Variants in LIMCH1 observed in about 807,000 individuals in gnomAD.
LIMCH1 encodes the protein LIM and calponin homology domains-containing protein 1.
LIMCH1 carries 113 observed loss-of-function variants against 176.5 expected under a neutral mutation model. That is an observed-to-expected ratio of 0.64 (90% CI 0.55 to 0.75). The LOEUF (loss-of-function observed/expected upper bound fraction) is 0.75. Among genes scored for constraint, LIMCH1 ranks in the 30% least tolerant of loss-of-function variants. The pLI is 0.00. For synonymous variants in LIMCH1, 619 were observed against 645.9 expected (o/e 0.96, Z 0.63); for missense variants, 1,674 against 1,814.9 (o/e 0.92, Z 1.41).
chr4:41,641,970 C>A (rs544098331), intron 14 of LIMCH1, among the ~76,000 whole-genome samples: 5 of 152,308 alleles, frequency 3.3e-5, no homozygotes, highest in Admixed American at 1.3e-4. Flanking sequence ...GCAGGACAGA[C>A]AAAGGTAATT....
intron 1 of LIMCH1, among the ~76,000 whole-genome samples, chr4:41,573,900 T>G (rs1353535811): frequency 6.6e-6 from 1 of 152,142 alleles, no homozygotes; most frequent in Non-Finnish European, 1.5e-5. Context: ...GGCTATTAGG[T>G]CATTAGCTTA....
At chr4:41,437,454 TA>T in intron 1 of LIMCH1, among the ~76,000 whole-genome samples, 1 of 152,314 alleles carries the variant, frequency 6.6e-6, no homozygotes, top group East Asian at 1.9e-4. Context: ...GACATATCAT[TA>T]GGCTTCCACC....
At position 41,631,300 on chromosome 4, in the gene LIMCH1, C is replaced by T. The variant is rs1018204044; in HGVS notation, c.1424C>T (p.Thr475Met). Residue 475 changes from threonine (T) to methionine (M), a missense_variant, in exon 10 of 32, where the codon ACG becomes ATG. Around this residue, in one of 3 missense-constraint regions of LIMCH1, gnomAD observed 655 missense variants for 692.2 expected, o/e 0.95. Transcript: ENST00000503057. ...RQKFVHFGPVTELDQQKWKRL... is the reference protein window; with the variant it reads ...RQKFVHFGPVMELDQQKWKRL... Reference sequence around the variant, plus strand: ...AAGTTTGTGCACTTTGGGCCAGTGACGGAGCTAGATCAGCAGAAATGGAAG... The same window carrying T: ...AAGTTTGTGCACTTTGGGCCAGTGATGGAGCTAGATCAGCAGAAATGGAAG... 3.1e-5 allele frequency: 48 copies of T among 1,535,856 alleles called. No homozygotes were observed. Among genetic ancestry groups the T allele is most frequent in the African/African-American group, 8.2e-5 (6 of 72,962 alleles).
chr4:41,663,084 A>T, intron 20 of LIMCH1, 100 bp downstream of exon 20: 3 of 1,068,040 alleles, frequency 2.8e-6, no homozygotes, highest in South Asian at 1.7e-5. Context: ...ATGAAGATTT[A>T]TTTCTCTCCT....
At chr4:41,623,316 A>C (rs948415521) in intron 7 of LIMCH1, among the ~76,000 whole-genome samples, 1 of 152,210 alleles carries the variant, frequency 6.6e-6, no homozygotes, top group African/African-American at 2.4e-5. Flanking sequence ...CAAGAGGACC[A>C]CTTGTTGTGG....
Position 41,512,882 on chromosome 4 carries a change from G to T in LIMCH1, c.168-11527G>T, listed in dbSNP as rs542075740. On this transcript the variant is annotated intron_variant, in intron 2 of 26. Transcript: ENST00000313860. The stretch of plus-strand genomic sequence containing the variant: ...AAAAATATTGAATTCTACATTTTCA[G>T]TGGGTAAACTATGTGAATTGTATCT... 4.6e-5 allele frequency among the ~76,000 whole-genome samples: 7 copies of T among 152,314 alleles called. No individual in the cohort carries two copies. The South Asian group carries it at 8.3e-4, about 18-fold the overall frequency.
chr4:41,412,439 G>C (rs983015193), intron 1 of LIMCH1, among the ~76,000 whole-genome samples: 1 of 152,070 alleles, frequency 6.6e-6, no homozygotes, highest in Non-Finnish European at 1.5e-5. Context: ...TATCTACAGA[G>C]GTTACTTAAG....
At chr4:41,421,543 A>C (rs1252694982) in intron 1 of LIMCH1, among the ~76,000 whole-genome samples, 1 of 152,210 alleles carries the variant, frequency 6.6e-6, no homozygotes, top group Non-Finnish European at 1.5e-5. Flanking sequence ...TGGTACTGTT[A>C]TCTCTCCTTT....
rs369892619 is a variant in LIMCH1 at position 41,482,111 on chromosome 4, G to A, written c.97-12425G>A. Among the ~76,000 whole-genome samples, 26 of 152,206 alleles carry A rather than the reference G, an allele frequency of 1.7e-4. No individual in the cohort carries two copies. In the South Asian group the frequency reaches 3.1e-3, roughly 18 times the overall value. Reference sequence around the variant, plus strand: ...AGCAATCTGCCTGCCTATGCGATCTGCCTGCCTTGGCCTCCCAAAGTGCTG... The same window carrying A: ...AGCAATCTGCCTGCCTATGCGATCTACCTGCCTTGGCCTCCCAAAGTGCTG... On this transcript the variant is annotated intron_variant, in intron 1 of 26. Transcript: ENST00000313860.
chr4:41,591,337 G>T (rs2087520858), intron 1 of LIMCH1, among the ~76,000 whole-genome samples: 1 of 152,130 alleles, frequency 6.6e-6, no homozygotes, highest in Admixed American at 6.5e-5. Context: ...TACCTCCTGG[G>T]CTCAGGTGAT....
intron 2 of LIMCH1, among the ~76,000 whole-genome samples, chr4:41,516,178 A>G (rs532206468): frequency 3.3e-4 from 50 of 152,226 alleles, no homozygotes; most frequent in Middle Eastern, 3.4e-3. Context: ...GGGAAAGGCA[A>G]TTTGGGGGTG....
chr4:41,610,306 C>T (rs2091273867), intron 4 of LIMCH1, among the ~76,000 whole-genome samples: 1 of 152,160 alleles, frequency 6.6e-6, no homozygotes, highest in African/African-American at 2.4e-5. Flanking sequence ...GTAATGGCTG[C>T]ACCAAGGAAC....
chr4:41,497,362 C>T (rs1026512170), intron 2 of LIMCH1, among the ~76,000 whole-genome samples: 9 of 151,854 alleles, frequency 5.9e-5, no homozygotes, highest in Non-Finnish European at 1.2e-4. Context: ...AGAAGGATAC[C>T]TTCTGGTCCT....
At chr4:41,609,084 A>G (rs566097349) in intron 4 of LIMCH1, among the ~76,000 whole-genome samples, 2 of 152,154 alleles carry the variant, frequency 1.3e-5, no homozygotes, top group South Asian at 4.1e-4. Flanking sequence ...ATCAGGGGCA[A>G]GTGATACCGT....
At position 41,662,924 on chromosome 4, in the gene LIMCH1, A is replaced by C. The variant is rs1001793203; in HGVS notation, c.3231A>C (p.Lys1077Asn). The change falls in exon 20 of 32, where the codon AAA (lysine) becomes AAC (asparagine). Residue 1077 changes from lysine (K) to asparagine (N), a missense_variant. Around this residue, in one of 3 missense-constraint regions of LIMCH1, gnomAD observed 1,015 missense variants for 1,102.5 expected, o/e 0.92. Transcript: ENST00000503057. ...PQLKNDVSEE[K>N]DQKKPENEMS... The stretch of plus-strand genomic sequence containing the variant: ...TGAAGAATGATGTGTCGGAAGAAAA[A>C]GACCAGAAGAAACCAGAAAATGAAA... 3.1e-6 allele frequency: 5 copies of C among 1,613,926 alleles called. No homozygotes were observed. In the Admixed American group the frequency reaches 8.3e-5, roughly 27 times the overall value.
Position 41,646,842 on chromosome 4 carries a change from CAA to C in LIMCH1, c.2770_2771del (p.Lys924AlafsTer16). 1 of 1,614,172 alleles carries C rather than the reference CAA, an allele frequency of 6.2e-7. No homozygotes were observed. Among genetic ancestry groups the C allele is most frequent in the Non-Finnish European group, 8.5e-7 (1 of 1,180,030 alleles). On this transcript the variant is annotated frameshift_variant, in exon 17 of 32. Transcript: ENST00000503057. LOFTEE classifies it high-confidence loss of function. ...CCAAAGCAGTGCCTATGCTGACACC[CAA>C]GCCTTACTCCCAGCCCAAAAATTCT... ...TPKAVPMLTP[K>X]PYSQPKNSQD...
intron 1 of LIMCH1, among the ~76,000 whole-genome samples, chr4:41,424,135 G>A (rs1309689736): frequency 1.3e-5 from 2 of 150,784 alleles, no homozygotes; most frequent in African/African-American, 2.4e-5. Context: ...TACATGTGAC[G>A]TAGGGCTCCC....
chr4:41,451,891 C>A (rs2063931854), intron 1 of LIMCH1, among the ~76,000 whole-genome samples: 1 of 152,200 alleles, frequency 6.6e-6, no homozygotes, highest in African/African-American at 2.4e-5. Flanking sequence ...CATCTTCTTA[C>A]CTTTTTTCCA....
intron 1 of LIMCH1, among the ~76,000 whole-genome samples, chr4:41,437,033 GA>G (rs2062157487): frequency 6.6e-6 from 1 of 152,112 alleles, no homozygotes; most frequent in Non-Finnish European, 1.5e-5. Context: ...CTTCTTTTAA[GA>G]AGGCTTTCCA....
Sources: gnomAD v4.1 joint callset for allele counts (sites outside exome capture counted in the v4.1 genomes callset) on GRCh38, gnomAD v4.1.1 for gene constraint, gnomAD v4.1.1 regional missense constraint, MANE v1.5 for transcripts, NCBI Gene and HGNC (gene_info 2026-07-23, HGNC 2026-07-21) for gene names.